GRID1: variants seen among roughly 807,000 people sequenced by gnomAD.
GRID1 encodes the protein glutamate ionotropic receptor delta type subunit 1.
A neutral mutation model predicts 98.0 loss-of-function variants in GRID1; 28 were observed. The observed-to-expected ratio is 0.29, with a 90% CI of 0.21 to 0.39. The LOEUF (loss-of-function observed/expected upper bound fraction) is 0.39. GRID1 is among the 10% of genes least tolerant of loss of function. The probability of loss-of-function intolerance (pLI) is 1.00; values close to 1 mark genes in which losing one functional copy is unlikely to be tolerated. For synonymous variants in GRID1, 553 were observed against 538.5 expected (o/e 1.03, Z -0.37); for missense variants, 1,111 against 1,340.5 (o/e 0.83, Z 2.67).
At chr10:85,895,016 A>AAAAAATATATATAT (rs766551035) in intron 5 of GRID1, among the ~76,000 whole-genome samples, 90 of 97,094 alleles carry the variant, frequency 9.3e-4, no homozygotes, top group Non-Finnish European at 1.4e-3. Context: ...AAAAAAAAAA[A>AAAAAATATATATAT]ATATATATAT....
intron 3 of GRID1, among the ~76,000 whole-genome samples, chr10:86,197,480 C>T (rs1295785495): frequency 1.3e-5 from 2 of 152,106 alleles, no homozygotes; most frequent in Non-Finnish European, 2.9e-5. Context: ...CAACATCTCC[C>T]TTGTTCCCTC....
At chr10:86,167,495 G>C (rs556203657) in intron 3 of GRID1, among the ~76,000 whole-genome samples, 4 of 152,226 alleles carry the variant, frequency 2.6e-5, no homozygotes, top group Admixed American at 2.0e-4. Context: ...AAGGACCTCA[G>C]GATCAGGCAA....
intron 4 of GRID1, among the ~76,000 whole-genome samples, chr10:85,938,035 A>G (rs1253499951): frequency 6.6e-6 from 1 of 152,234 alleles, no homozygotes; most frequent in Non-Finnish European, 1.5e-5. Context: ...TTTATTAGCT[A>G]TCTGGTCTCA....
chr10:85,886,490 G>T (rs1351019626), intron 5 of GRID1, among the ~76,000 whole-genome samples: 2 of 152,160 alleles, frequency 1.3e-5, no homozygotes, highest in African/African-American at 4.8e-5. Flanking sequence ...GTACAGGGCA[G>T]ATTTTCACTG....
At chr10:86,088,897 C>CA (rs3057914) in intron 4 of GRID1, among the ~76,000 whole-genome samples, 6,980 of 141,464 alleles carry the variant, frequency 0.049, 195 homozygotes, top group Non-Finnish European at 0.061. Flanking sequence ...TAGATGCAGG[C>CA]AAAAAAAAAA....
rs144157792 is a variant in GRID1, at chr10:86,201,561, G to C, written c.520+4803C>G. On this transcript the variant is annotated intron_variant, in intron 3 of 15. Transcript: ENST00000327946. ...AGAGTGGAGGGTAGGAGGAGAGAGAGGATCAAGAAAAACAACGAATGGGTA... is the reference window on the plus strand; with the variant it reads ...AGAGTGGAGGGTAGGAGGAGAGAGACGATCAAGAAAAACAACGAATGGGTA... Among the ~76,000 whole-genome samples, 14 of 152,148 alleles carry C rather than the reference G, an allele frequency of 9.2e-5. No homozygotes were observed. In the South Asian group the frequency reaches 1.0e-3, roughly 11 times the overall value.
chr10:85,792,239 G>A (rs1268083207), intron 8 of GRID1, among the ~76,000 whole-genome samples: 4 of 152,102 alleles, frequency 2.6e-5, no homozygotes, highest in Admixed American at 2.6e-4. Flanking sequence ...CGAAGCTCCT[G>A]ACGGTGGCAG....
intron 5 of GRID1, among the ~76,000 whole-genome samples, chr10:85,911,449 G>T (rs1047118830): frequency 6.6e-6 from 1 of 152,118 alleles, no homozygotes; most frequent in Non-Finnish European, 1.5e-5. Context: ...ACTGACAATC[G>T]GGAAGAAGTG....
chr10:86,178,338 T>C (rs1047133312), intron 3 of GRID1, among the ~76,000 whole-genome samples: 1 of 152,148 alleles, frequency 6.6e-6, no homozygotes, highest in African/African-American at 2.4e-5. Context: ...GCCTGCCTAT[T>C]TGCACACAAA....
intron 4 of GRID1, among the ~76,000 whole-genome samples, chr10:86,098,144 T>A (rs1020404847): frequency 6.6e-6 from 1 of 152,224 alleles, no homozygotes; most frequent in Non-Finnish European, 1.5e-5. Context: ...TCAATGTAGT[T>A]ACCATATTAT....
chr10:85,772,570 T>C (rs1323255960), intron 8 of GRID1, among the ~76,000 whole-genome samples: 11 of 152,032 alleles, frequency 7.2e-5, no homozygotes, highest in African/African-American at 1.9e-4. Context: ...ACTGATAGAC[T>C]GCTAGCAAGA....
rs756617953 is a variant in GRID1 at position 85,854,503 on chromosome 10, A to G, written c.1226T>C (p.Met409Thr). 1.2e-6 allele frequency: 2 copies of G among 1,613,900 alleles called. No individual in the cohort carries two copies. Among genetic ancestry groups the G allele is most frequent in the Non-Finnish European group, 8.5e-7 (1 of 1,179,802 alleles). Residue 409 changes from methionine to threonine, a missense_variant, in exon 8 of 16, where the codon ATG becomes ACG. Coordinates refer to ENST00000327946, the MANE Select transcript of GRID1 (RefSeq NM_017551.3). The part of the protein sequence containing the change: ...TTYSETFGKD[M>T]RKLATWDSEK... Reference sequence around the variant, plus strand: ...AGGGAGCCTGAGGCTTACCTTGCGCATGTCTTTGCCAAAAGTCTCACTATA... The same window carrying G: ...AGGGAGCCTGAGGCTTACCTTGCGCGTGTCTTTGCCAAAAGTCTCACTATA...
rs151245448 is a variant in GRID1, at chr10:85,940,899, C to A, written c.727-24660G>T. ...GAGACCGAGGCAGGGGCTCAGGGTG[C>A]CAAAGCAGCCGCTCAAGCTCCAAGA... On this transcript the variant is annotated intron_variant, in intron 4 of 15. Coordinates refer to ENST00000327946, the MANE Select transcript of GRID1 (RefSeq NM_017551.3). Among the ~76,000 whole-genome samples, 3 of 152,296 alleles carry A rather than the reference C, an allele frequency of 2.0e-5. No individual in the cohort carries two copies. The East Asian group carries it at 5.8e-4, about 29-fold the overall frequency.
intron 2 of GRID1, among the ~76,000 whole-genome samples, chr10:86,214,226 C>G (rs1846145022): frequency 6.6e-6 from 1 of 152,334 alleles, no homozygotes; most frequent in African/African-American, 2.4e-5. Context: ...ACTCCACACC[C>G]TATGCCCTGC....
At chr10:86,134,474 C>G (rs1218539347) in intron 4 of GRID1, among the ~76,000 whole-genome samples, 2 of 152,178 alleles carry the variant, frequency 1.3e-5, no homozygotes, top group African/African-American at 4.8e-5. Context: ...CCCCATCAAG[C>G]CTGACCTGGA....
chr10:86,014,390 A>G (rs1051095960), intron 4 of GRID1, among the ~76,000 whole-genome samples: 2 of 152,230 alleles, frequency 1.3e-5, no homozygotes, highest in Admixed American at 6.5e-5. Context: ...GCCACCCAAC[A>G]TAGACTGGAT....
intron 3 of GRID1, among the ~76,000 whole-genome samples, chr10:86,177,063 G>A (rs373711275): frequency 2.2e-4 from 33 of 151,802 alleles, no homozygotes; most frequent in African/African-American, 7.8e-4. Context: ...ACTGTCTGGT[G>A]CCCTTCGCCC....
chr10:86,254,018 G>A (rs950237580), intron 2 of GRID1, among the ~76,000 whole-genome samples: 2 of 151,612 alleles, frequency 1.3e-5, no homozygotes, highest in Non-Finnish European at 2.9e-5. Context: ...ACCTTGATTT[G>A]TCACCTGTCA....
chr10:86,352,677 G>T (rs1277897304), intron 2 of GRID1, among the ~76,000 whole-genome samples: 2 of 152,182 alleles, frequency 1.3e-5, no homozygotes, highest in Non-Finnish European at 2.9e-5. Context: ...CACATTGGGG[G>T]TTAAGGGCTT....
Sources: allele counts gnomAD v4.1 joint callset (sites outside exome capture counted in the v4.1 genomes callset), GRCh38; gene constraint gnomAD v4.1.1; transcripts MANE v1.5; gene names NCBI Gene and HGNC (gene_info 2026-07-23, HGNC 2026-07-21).